ARHGAP24: variants seen among roughly 807,000 people sequenced by gnomAD.
ARHGAP24 encodes Rho GTPase activating protein 24.
In ARHGAP24, 50 loss-of-function variants were observed where a neutral mutation model predicts 76.4. That is an observed-to-expected ratio of 0.65 (90% confidence interval 0.52 to 0.83). The LOEUF (loss-of-function observed/expected upper bound fraction) is 0.83. ARHGAP24 is among the 40% of genes least tolerant of loss of function. The pLI is 0.00. For synonymous variants in ARHGAP24, 345 were observed against 323.3 expected, an observed-to-expected ratio of 1.07 and a Z score of -0.72; for missense variants, 930 against 914.2, an observed-to-expected ratio of 1.02 and a Z score of -0.22.
intron 3 of ARHGAP24, among the ~76,000 whole-genome samples, chr4:85,784,723 A>G (rs1394394418): frequency 6.6e-6 from 1 of 151,902 alleles, no homozygotes; most frequent in Non-Finnish European, 1.5e-5. Flanking sequence ...ATCACTTTTT[A>G]TACAACCAGG....
chr4:85,737,118 TTTTGTTTGTTTG>T (rs72444083), intron 3 of ARHGAP24, among the ~76,000 whole-genome samples: 3 of 151,728 alleles, frequency 2.0e-5, no homozygotes, highest in African/African-American at 4.8e-5. Flanking sequence ...AAAATAATGG[TTTTGTTTGTTTG>T]TTTGTTTGTT....
At chr4:85,740,113 G>A (rs147992062) in intron 3 of ARHGAP24, among the ~76,000 whole-genome samples, 1 of 152,068 alleles carries the variant, frequency 6.6e-6, no homozygotes, top group Non-Finnish European at 1.5e-5. Context: ...TGTTTGTTTG[G>A]CTATTTCTTA....
At chr4:85,811,695 A>G (rs1407512611) in intron 3 of ARHGAP24, among the ~76,000 whole-genome samples, 1 of 152,238 alleles carries the variant, frequency 6.6e-6, no homozygotes, top group Non-Finnish European at 1.5e-5. Flanking sequence ...AAGTCTTCAC[A>G]TATTTTGTTA....
chr4:85,630,961 T>A (rs1721138755), intron 2 of ARHGAP24, among the ~76,000 whole-genome samples: 1 of 152,058 alleles, frequency 6.6e-6, no homozygotes, highest in African/African-American at 2.4e-5. Flanking sequence ...TAATAGTACT[T>A]ATACTATTCA....
chr4:85,530,053 A>G (rs1250262604), intron 1 of ARHGAP24, among the ~76,000 whole-genome samples: 2 of 151,982 alleles, frequency 1.3e-5, no homozygotes, highest in African/African-American at 4.8e-5. Context: ...TCAGGTACAT[A>G]TATCTATGGT....
chr4:85,719,614 A>G (rs1257585672), intron 2 of ARHGAP24, among the ~76,000 whole-genome samples: 1 of 152,216 alleles, frequency 6.6e-6, no homozygotes, highest in African/African-American at 2.4e-5. Context: ...TGAGTTCAGC[A>G]CACTTAGTTT....
At chr4:85,637,449 C>T (rs62317213) in intron 2 of ARHGAP24, among the ~76,000 whole-genome samples, 40,249 of 151,966 alleles carry the variant, frequency 0.26, 7,455 homozygotes, top group East Asian at 0.84. Context: ...GATTTTCGAA[C>T]ATATATTTAC....
chr4:85,838,244 A>C (rs568600996), intron 3 of ARHGAP24, among the ~76,000 whole-genome samples: 1 of 152,322 alleles, frequency 6.6e-6, no homozygotes, highest in East Asian at 1.9e-4. Flanking sequence ...GCCTGTGAGC[A>C]TGACTACTGT....
chr4:85,564,215 T>G (rs1307446155), intron 1 of ARHGAP24, among the ~76,000 whole-genome samples: 1 of 152,184 alleles, frequency 6.6e-6, no homozygotes, highest in Non-Finnish European at 1.5e-5. Flanking sequence ...TGCGATAGTT[T>G]GCTGAGAATG....
chr4:85,607,080 G>A (rs930392559), intron 2 of ARHGAP24, among the ~76,000 whole-genome samples: 1 of 152,014 alleles, frequency 6.6e-6, no homozygotes, highest in Non-Finnish European at 1.5e-5. Flanking sequence ...GGTGAGAGAG[G>A]GCCTGAGTTT....
intron 1 of ARHGAP24, among the ~76,000 whole-genome samples, chr4:85,523,182 T>A (rs1184231291): frequency 3.9e-5 from 6 of 152,208 alleles, no homozygotes; most frequent in Admixed American, 3.9e-4. Context: ...GCTTCTACTA[T>A]TTAAGGATGC....
intron 3 of ARHGAP24, among the ~76,000 whole-genome samples, chr4:85,730,424 T>C (rs887463855): frequency 6.9e-6 from 1 of 144,420 alleles, no homozygotes; most frequent in African/African-American, 2.6e-5. Context: ...TTTTGTTTTT[T>C]GAGACAGGGT....
chr4:85,571,867 C>A (rs542613035), intron 2 of ARHGAP24, among the ~76,000 whole-genome samples: 6 of 152,134 alleles, frequency 3.9e-5, no homozygotes, highest in Admixed American at 2.0e-4. Flanking sequence ...TGCAGATTAC[C>A]CAAAGTTAAA....
At chr4:85,720,881 G>T (rs1030988344) in intron 2 of ARHGAP24, among the ~76,000 whole-genome samples, 1 of 152,068 alleles carries the variant, frequency 6.6e-6, no homozygotes, top group African/African-American at 2.4e-5. Flanking sequence ...TCACTGAAAA[G>T]TGAACATTAT....
chr4:85,967,638 G>T (rs1211095227), intron 5 of ARHGAP24, among the ~76,000 whole-genome samples: 1 of 152,080 alleles, frequency 6.6e-6, no homozygotes, highest in Non-Finnish European at 1.5e-5. Context: ...AGATCTTTGG[G>T]CCTATCTTGT....
intron 3 of ARHGAP24, among the ~76,000 whole-genome samples, chr4:85,814,878 C>T (rs1729169669): frequency 6.6e-6 from 1 of 152,196 alleles, no homozygotes; most frequent in Non-Finnish European, 1.5e-5. Flanking sequence ...CATGAGAGCC[C>T]GACCCCTGCA....
chr4:85,478,739 C>A (rs1270381737), intron 1 of ARHGAP24, among the ~76,000 whole-genome samples: 1 of 152,130 alleles, frequency 6.6e-6, no homozygotes, highest in Non-Finnish European at 1.5e-5. Context: ...TTCATGGATT[C>A]ATTCTCCTGG....
intron 5 of ARHGAP24, among the ~76,000 whole-genome samples, chr4:85,966,396 T>C (rs1418741030): frequency 2.0e-5 from 3 of 152,162 alleles, no homozygotes; most frequent in African/African-American, 7.2e-5. Flanking sequence ...TTCAATGTAG[T>C]CCAGCACTTA....
At chr4:85,497,755 G>T (rs1290345705) in intron 1 of ARHGAP24, among the ~76,000 whole-genome samples, 1 of 152,180 alleles carries the variant, frequency 6.6e-6, no homozygotes, top group African/African-American at 2.4e-5. Context: ...AGGAGGTGGA[G>T]GTTGCGGTGA....
Sources: gnomAD v4.1 joint callset for allele counts (sites outside exome capture counted in the v4.1 genomes callset) on GRCh38, gnomAD v4.1.1 for gene constraint, MANE v1.5 for transcripts, NCBI Gene and HGNC (gene_info 2026-07-23, HGNC 2026-07-21) for gene names.